The following ROBO2 variants were observed in gnomAD, a reference collection of about 807,000 sequenced individuals.
The protein encoded by ROBO2 is roundabout guidance receptor 2.
ROBO2 carries 53 observed loss-of-function variants against 160.8 expected under a neutral mutation model. That is an observed-to-expected ratio of 0.33 (90% CI 0.26 to 0.41). ROBO2 has a LOEUF of 0.41. ROBO2 is among the 10% of genes least tolerant of loss of function. The probability of loss-of-function intolerance (pLI) is 1.00; values close to 1 mark genes in which losing one functional copy is unlikely to be tolerated. For synonymous variants in ROBO2, 664 were observed against 611.7 expected (o/e 1.09, Z -1.26); for missense variants, 1,577 against 1,722.4 (o/e 0.92, Z 1.49).
At chr3:76,291,935 T>C (rs577417690) in intron 2 of ROBO2, among the ~76,000 whole-genome samples, 22 of 152,234 alleles carry the variant, frequency 1.4e-4, no homozygotes, top group African/African-American at 4.8e-4. Flanking sequence ...TGGCTGAGCA[T>C]GTAGTCAATT....
intron 2 of ROBO2, among the ~76,000 whole-genome samples, chr3:76,298,461 G>A (rs1395148296): frequency 6.6e-6 from 1 of 152,098 alleles, no homozygotes; most frequent in Non-Finnish European, 1.5e-5. Flanking sequence ...GGATGAGGGA[G>A]GTTGTTTGAA....
At chr3:77,564,279 G>T (rs1398256125) in intron 11 of ROBO2, among the ~76,000 whole-genome samples, 2 of 152,044 alleles carry the variant, frequency 1.3e-5, no homozygotes, top group Non-Finnish European at 2.9e-5. Flanking sequence ...TAGACAAACT[G>T]TTCTAAAATG....
intron 2 of ROBO2, among the ~76,000 whole-genome samples, chr3:76,983,673 A>C (rs1031337689): frequency 6.6e-6 from 1 of 152,134 alleles, no homozygotes; most frequent in African/African-American, 2.4e-5. Flanking sequence ...AAAAACTTAC[A>C]AAGTACCTAT....
intron 2 of ROBO2, among the ~76,000 whole-genome samples, chr3:76,133,753 G>A (rs1457797241): frequency 6.6e-6 from 1 of 152,132 alleles, no homozygotes; most frequent in East Asian, 1.9e-4. Flanking sequence ...AGAAGGCCCA[G>A]TCAGTCTAGT....
chr3:77,154,393 GA>G (rs1219573036), intron 2 of ROBO2, among the ~76,000 whole-genome samples: 3 of 152,086 alleles, frequency 2.0e-5, no homozygotes, highest in Non-Finnish European at 4.4e-5. Flanking sequence ...GAAGAAAAGG[GA>G]ACATTTATAC....
At chr3:76,845,764 C>T (rs1345487559) in intron 2 of ROBO2, among the ~76,000 whole-genome samples, 1 of 151,982 alleles carries the variant, frequency 6.6e-6, no homozygotes, top group East Asian at 1.9e-4. Context: ...AACATGGTAA[C>T]CTTCATTTAT....
intron 2 of ROBO2, among the ~76,000 whole-genome samples, chr3:75,958,445 A>C (rs188515823): frequency 1.3e-5 from 2 of 151,830 alleles, no homozygotes; most frequent in Non-Finnish European, 2.9e-5. Flanking sequence ...AACTCAAACT[A>C]TACAACTTTA....
chr3:77,323,352 G>A (rs2065017244), intron 2 of ROBO2, among the ~76,000 whole-genome samples: 1 of 151,782 alleles, frequency 6.6e-6, no homozygotes, highest in African/African-American at 2.4e-5. Flanking sequence ...CTCCTGAGTT[G>A]AGACTTAATT....
chr3:77,385,952 A>G (rs984782022), intron 2 of ROBO2, among the ~76,000 whole-genome samples: 1 of 152,196 alleles, frequency 6.6e-6, no homozygotes, highest in Non-Finnish European at 1.5e-5. Context: ...AGCAACCACC[A>G]CAAGAAAGAG....
At chr3:76,744,655 C>G (rs888047660) in intron 2 of ROBO2, among the ~76,000 whole-genome samples, 1 of 152,062 alleles carries the variant, frequency 6.6e-6, no homozygotes, top group Admixed American at 6.6e-5. Context: ...AGCCACCACG[C>G]CTGGCAAGAA....
intron 5 of ROBO2, among the ~76,000 whole-genome samples, chr3:77,518,427 G>A (rs185132879): frequency 7.5e-4 from 113 of 151,626 alleles, no homozygotes; most frequent in Admixed American, 2.8e-3. Flanking sequence ...TTAAAAGATT[G>A]TGAGCATTTC....
At chr3:75,935,891 TGATGACTAGGG>T (rs1947756624) in intron 1 of ROBO2, among the ~76,000 whole-genome samples, 1 of 152,174 alleles carries the variant, frequency 6.6e-6, no homozygotes, top group Non-Finnish European at 1.5e-5. Context: ...ACCCATAACC[TGATGACTAGGG>T]GATCGTGTAG....
chr3:76,240,375 C>T (rs770237822), intron 2 of ROBO2, among the ~76,000 whole-genome samples: 12 of 151,644 alleles, frequency 7.9e-5, no homozygotes, highest in African/African-American at 7.3e-5. Context: ...TGAGAACATG[C>T]GGTGTTTGGC....
At chr3:76,602,081 T>G (rs2087194353) in intron 2 of ROBO2, among the ~76,000 whole-genome samples, 1 of 152,196 alleles carries the variant, frequency 6.6e-6, no homozygotes, top group Non-Finnish European at 1.5e-5. Context: ...TGCTCCAGTT[T>G]CCAGCAGGTT....
chr3:76,513,901 A>G (rs1206466667), intron 2 of ROBO2, among the ~76,000 whole-genome samples: 1 of 152,174 alleles, frequency 6.6e-6, no homozygotes, highest in Non-Finnish European at 1.5e-5. Flanking sequence ...AACTTTTTGA[A>G]AAAATAACCA....
At chr3:76,335,923 C>T (rs2073861516) in intron 2 of ROBO2, among the ~76,000 whole-genome samples, 1 of 152,130 alleles carries the variant, frequency 6.6e-6, no homozygotes, top group Admixed American at 6.5e-5. Flanking sequence ...TTTATGGGGA[C>T]ATTACAATTT....
intron 2 of ROBO2, among the ~76,000 whole-genome samples, chr3:76,152,888 G>C (rs780609442): frequency 6.6e-6 from 1 of 151,862 alleles, no homozygotes; most frequent in East Asian, 1.9e-4. Flanking sequence ...CTCCAAAATC[G>C]ATGTCAATTA....
chr3:76,455,267 A>T (rs1226133767), intron 2 of ROBO2, among the ~76,000 whole-genome samples: 1 of 152,102 alleles, frequency 6.6e-6, no homozygotes, highest in Non-Finnish European at 1.5e-5. Context: ...TAGGCTTCAT[A>T]AATGTTTCGT....
chr3:76,037,353 C>T (rs1312096520), intron 2 of ROBO2, among the ~76,000 whole-genome samples: 1 of 150,484 alleles, frequency 6.6e-6, no homozygotes, highest in East Asian at 2.0e-4. Flanking sequence ...CGCCTCCTGG[C>T]TTCAAGCGAT....
Sources: allele counts gnomAD v4.1 joint callset (sites outside exome capture counted in the v4.1 genomes callset), GRCh38; gene constraint gnomAD v4.1.1; transcripts MANE v1.5; gene names NCBI Gene and HGNC (gene_info 2026-07-23, HGNC 2026-07-21).